The following GRID2 variants were observed in gnomAD, a reference collection of about 807,000 sequenced individuals.
GRID2 encodes the protein glutamate ionotropic receptor delta type subunit 2, also known as glutamate receptor ionotropic, delta-2.
A neutral mutation model predicts 114.8 loss-of-function variants in GRID2; 33 were observed. The ratio of observed to expected loss-of-function variants is 0.29; its 90% CI spans 0.22 to 0.38. The LOEUF is 0.38. Among genes scored for constraint, GRID2 ranks in the 10% least tolerant of loss-of-function variants. The probability of loss-of-function intolerance (pLI) is 1.00; values close to 1 mark genes in which losing one functional copy is unlikely to be tolerated. For synonymous variants in GRID2, 505 were observed against 449.9 expected, an observed-to-expected ratio of 1.12 and a Z score of -1.55; for missense variants, 1,184 against 1,257.7, an observed-to-expected ratio of 0.94 and a Z score of 0.89.
chr4:92,831,732 CTTAG>C (rs796909862), intron 2 of GRID2, among the ~76,000 whole-genome samples: 6 of 151,940 alleles, frequency 3.9e-5, no homozygotes, highest in African/African-American at 1.4e-4. Flanking sequence ...TGGTACATGC[CTTAG>C]TTAGTCCTAG....
At position 92,443,230 on chromosome 4, in the gene GRID2, G is replaced by T. The variant is rs374021460; in HGVS notation, c.88+138486G>T. Among the ~76,000 whole-genome samples the T allele has an allele frequency of 2.5e-4, 38 of 152,268 alleles. No individual in the cohort carries two copies. The East Asian group carries it at 3.9e-3, about 15-fold the overall frequency. On this transcript the variant is annotated intron_variant, in intron 1 of 15. Transcript: ENST00000282020. ...AGACCGTTTGCCTATTTTATGACAA[G>T]AATTATTTAGATCTTGCAGGATGGA...
At chr4:92,683,666 T>G in intron 2 of GRID2, among the ~76,000 whole-genome samples, 1 of 151,570 alleles carries the variant, frequency 6.6e-6, no homozygotes, top group South Asian at 2.1e-4. Context: ...TTTAAATTAT[T>G]TTATATTAAA....
chr4:93,124,889 T>A (rs965067089), intron 4 of GRID2, among the ~76,000 whole-genome samples: 1 of 152,166 alleles, frequency 6.6e-6, no homozygotes, highest in Non-Finnish European at 1.5e-5. Context: ...ATTAAACTTA[T>A]ATGTGTCTAT....
At position 92,592,903 on chromosome 4, in the gene GRID2, A is replaced by G. The variant is rs571273649; in HGVS notation, c.244+2617A>G. ...GATAACAAACAACCCATTCAGAAGC[A>G]CTATTTTCTTCAATGTTTTGAGGAA... On this transcript the variant is annotated intron_variant, in intron 2 of 15. Transcript: ENST00000282020. 2.0e-5 allele frequency among the ~76,000 whole-genome samples: 3 copies of G among 152,188 alleles called. No homozygotes were observed. In the South Asian group the frequency reaches 6.2e-4, roughly 31 times the overall value.
intron 1 of GRID2, among the ~76,000 whole-genome samples, chr4:92,393,741 G>A (rs72661906): frequency 0.021 from 3,197 of 152,132 alleles, 44 homozygotes; most frequent in Non-Finnish European, 0.034. Context: ...CCAGTCAAAG[G>A]GGGTAAAATA....
intron 1 of GRID2, among the ~76,000 whole-genome samples, chr4:92,347,448 G>A (rs1167914970): frequency 6.6e-6 from 1 of 152,124 alleles, no homozygotes; most frequent in African/African-American, 2.4e-5. Context: ...TTTTGAGGAT[G>A]AGCCTATTTA....
At chr4:92,362,303 A>C (rs1329237363) in intron 1 of GRID2, among the ~76,000 whole-genome samples, 1 of 152,036 alleles carries the variant, frequency 6.6e-6, no homozygotes, top group Non-Finnish European at 1.5e-5. Flanking sequence ...GAATGTGCCA[A>C]ATTTGGTGAA....
At chr4:92,790,929 A>G (rs1192005218) in intron 2 of GRID2, among the ~76,000 whole-genome samples, 2 of 151,736 alleles carry the variant, frequency 1.3e-5, no homozygotes, top group Non-Finnish European at 2.9e-5. Context: ...CATTTCCACT[A>G]CGTAAGCCTT....
At chr4:92,868,016 T>TTTTCTTTCTTTCTTTCTTTC (rs57222462) in intron 2 of GRID2, among the ~76,000 whole-genome samples, 2 of 132,768 alleles carry the variant, frequency 1.5e-5, no homozygotes, top group East Asian at 2.3e-4. Flanking sequence ...TACTGAAAGG[T>TTTTCTTTCTTTCTTTCTTTC]TTTCTTTCTT....
At chr4:93,010,648 A>G (rs376591595) in intron 2 of GRID2, among the ~76,000 whole-genome samples, 27 of 152,272 alleles carry the variant, frequency 1.8e-4, no homozygotes, top group African/African-American at 6.0e-4. Flanking sequence ...GATTTCTCAC[A>G]ACAACCTAAT....
chr4:93,301,037 C>G (rs558571364), intron 8 of GRID2, among the ~76,000 whole-genome samples: 1 of 152,214 alleles, frequency 6.6e-6, no homozygotes, highest in African/African-American at 2.4e-5. Flanking sequence ...TCGGGCCTGA[C>G]ACCGGGCTGC....
chr4:92,545,445 T>C (rs1429815325), intron 1 of GRID2, among the ~76,000 whole-genome samples: 1 of 152,196 alleles, frequency 6.6e-6, no homozygotes, highest in Non-Finnish European at 1.5e-5. Flanking sequence ...CTTTAAAATA[T>C]ACGTCCAGTG....
chr4:93,122,303 A>T (rs10014487), intron 4 of GRID2, among the ~76,000 whole-genome samples: 1 of 151,870 alleles, frequency 6.6e-6, no homozygotes, highest in Non-Finnish European at 1.5e-5. Flanking sequence ...TTTATTTTCC[A>T]TATGGTGAAC....
chr4:92,657,875 A>G (rs1181914330), intron 2 of GRID2, among the ~76,000 whole-genome samples: 1 of 151,700 alleles, frequency 6.6e-6, no homozygotes, highest in Non-Finnish European at 1.5e-5. Flanking sequence ...ATATCTGTGC[A>G]TGCTGTGGCA....
chr4:92,817,175 C>T (rs2149383696), intron 2 of GRID2, among the ~76,000 whole-genome samples: 1 of 152,176 alleles, frequency 6.6e-6, no homozygotes, highest in Non-Finnish European at 1.5e-5. Context: ...TGTTTCCTTC[C>T]TCATATTCAC....
chr4:92,760,255 A>G (rs183181712), intron 2 of GRID2, among the ~76,000 whole-genome samples: 6,312 of 150,730 alleles, frequency 0.042, 144 homozygotes, highest in African/African-American at 0.062. Flanking sequence ...AAAAAAAAAA[A>G]AAAAAAGAAA....
intron 7 of GRID2, among the ~76,000 whole-genome samples, chr4:93,235,065 C>T (rs115035343): frequency 0.01 from 1,576 of 151,836 alleles, 34 homozygotes; most frequent in African/African-American, 0.036. Flanking sequence ...ACTTTTTCCC[C>T]AACTTTTCCT....
At chr4:92,544,060 A>C (rs1726115035) in intron 1 of GRID2, among the ~76,000 whole-genome samples, 1 of 152,120 alleles carries the variant, frequency 6.6e-6, no homozygotes, top group Admixed American at 6.6e-5. Flanking sequence ...CTGAGAGCAG[A>C]CATGTTGCAC....
chr4:92,344,832 G>A (rs2110170352), intron 1 of GRID2, among the ~76,000 whole-genome samples: 1 of 152,260 alleles, frequency 6.6e-6, no homozygotes, highest in South Asian at 2.1e-4. Flanking sequence ...TTTATTAGAA[G>A]CAAGTCACTA....
Sources: gnomAD v4.1 joint callset for allele counts (sites outside exome capture counted in the v4.1 genomes callset) on GRCh38, gnomAD v4.1.1 for gene constraint, MANE v1.5 for transcripts, NCBI Gene and HGNC (gene_info 2026-07-23, HGNC 2026-07-21) for gene names.